The following ARHGEF18 variants were observed in gnomAD, a reference collection of about 807,000 sequenced individuals.
ARHGEF18 encodes the protein Rho/Rac guanine nucleotide exchange factor 18.
A neutral mutation model predicts 155.7 loss-of-function variants in ARHGEF18; 93 were observed. That is an observed-to-expected ratio of 0.60 (90% confidence interval 0.50 to 0.71). The LOEUF (loss-of-function observed/expected upper bound fraction) is 0.71, where lower values mean the gene tolerates loss of function less well. ARHGEF18 is among the 30% of genes least tolerant of loss of function. ARHGEF18 has a pLI of 0.00. For synonymous variants in ARHGEF18, 742 were observed against 753.1 expected (o/e 0.99, Z 0.24); for missense variants, 1,593 against 1,816.1 (o/e 0.88, Z 2.23).
chr19:7,362,058 GGAGA>G (rs1969603649), intron 1 of ARHGEF18, among the ~76,000 whole-genome samples: 2 of 35,458 alleles, frequency 5.6e-5, no homozygotes, highest in African/African-American at 4.4e-4. Flanking sequence ...AGAAGGAGAA[GGAGA>G]AGGAGAAGGA....
intron 10 of ARHGEF18, among the ~76,000 whole-genome samples, chr19:7,391,375 T>C (rs1438600260): frequency 6.6e-6 from 1 of 152,138 alleles, no homozygotes; most frequent in Non-Finnish European, 1.5e-5. Flanking sequence ...ACGATAAAGT[T>C]GGGATGCTTT....
chr19:7,446,953 A>AT, intron 14 of ARHGEF18, 90 bp from the exon 15 acceptor site: 1 of 1,447,634 alleles, frequency 6.9e-7, no homozygotes, highest in East Asian at 2.5e-5. Flanking sequence ...TAAATCTAAT[A>AT]TTTATTTTAG....
intron 23 of ARHGEF18, among the ~76,000 whole-genome samples, chr19:7,466,578 G>A (rs760041936): frequency 4.7e-5 from 7 of 150,516 alleles, no homozygotes; most frequent in Admixed American, 6.6e-5. Flanking sequence ...CGAGGCGGGC[G>A]GATCACCTGA....
intron 10 of ARHGEF18, among the ~76,000 whole-genome samples, chr19:7,407,432 A>G (rs577090271): frequency 6.6e-6 from 1 of 151,936 alleles, no homozygotes; most frequent in East Asian, 1.9e-4. Flanking sequence ...TCTCAAAAAA[A>G]AAAAAAAAGA....
intron 3 of ARHGEF18, among the ~76,000 whole-genome samples, chr19:7,374,657 G>A (rs984609389): frequency 2.0e-5 from 3 of 149,670 alleles, no homozygotes; most frequent in Middle Eastern, 3.4e-3. Flanking sequence ...CAGCCTGGGC[G>A]ACAGAGCGAG....
intron 10 of ARHGEF18, among the ~76,000 whole-genome samples, chr19:7,383,972 T>C (rs1328984507): frequency 6.6e-6 from 1 of 152,138 alleles, no homozygotes; most frequent in African/African-American, 2.4e-5. Context: ...CAGAAAGAGA[T>C]GGCTCTGGTC....
intron 10 of ARHGEF18, among the ~76,000 whole-genome samples, chr19:7,436,460 T>C (rs1974259684): frequency 6.6e-6 from 1 of 152,100 alleles, no homozygotes; most frequent in African/African-American, 2.4e-5. Context: ...GTATTTTTAG[T>C]AGAGACAGGT....
At position 7,448,671 on chromosome 19, in the gene ARHGEF18, CA is replaced by C. The variant is rs1007436386; in HGVS notation, c.1737+1515del. Among the ~76,000 whole-genome samples the C allele has an allele frequency of 2.4e-3, 325 of 136,444 alleles. 1 individual carries two copies. The highest frequency in any genetic ancestry group is 5.0e-3 in the African/African-American group (189 of 37,520). 89.5% of individuals were successfully genotyped at this position (136,444 alleles called of 152,430 possible). A position where few individuals can be genotyped will look rare whatever the true frequency, so the allele number is the denominator to read the frequency against. On this transcript the variant is annotated intron_variant, in intron 15 of 28. Coordinates refer to ENST00000668164, the MANE Select transcript of ARHGEF18 (RefSeq NM_001367823.1). ...AGCGAAACTCCGTCTCAAAAAAATA[CA>C]AAAAAAAAAAAGGAGGGTTACTCCA...
downstream of ARHGEF18, among the ~76,000 whole-genome samples, chr19:7,475,530 A>ACACACACACACACAAC (rs939831366): frequency 8.8e-4 from 132 of 150,856 alleles, 2 homozygotes; most frequent in South Asian, 0.026. Flanking sequence ...GTTTAAACAC[A>ACACACACACACACAAC]CACACACACA....
intron 10 of ARHGEF18, among the ~76,000 whole-genome samples, chr19:7,413,428 A>C (rs375246700): frequency 1.3e-5 from 2 of 151,982 alleles, no homozygotes; most frequent in East Asian, 3.9e-4. Context: ...CAGCCTCCCA[A>C]GTAGCTGGGA....
At chr19:7,456,286 ATGGGAC>A in intron 17 of ARHGEF18, 35 bp from the exon 18 acceptor site, 1 of 1,597,196 alleles carries the variant, frequency 6.3e-7, no homozygotes, top group South Asian at 1.1e-5. Context: ...CCTCCTGGCT[ATGGGAC>A]TTTTAAGATG....
chr19:7,458,710 C>G lies in ARHGEF18; in HGVS notation c.2360+20C>G. ...GGAGAGGTGAGGAGGGCCTGGGGGT[C>G]TCCCCACCCACTGTGTTCCTTCCGC... On this transcript the variant is annotated intron_variant, in intron 19 of 28. Coordinates refer to ENST00000668164, the MANE Select transcript of ARHGEF18 (RefSeq NM_001367823.1). The G allele has an allele frequency of 6.3e-7, 1 of 1,597,864 alleles. No individual in the cohort carries two copies. Among genetic ancestry groups the G allele is most frequent in the Non-Finnish European group, 8.6e-7 (1 of 1,169,466 alleles).
Position 7,444,528 on chromosome 19 carries a change from T to C in ARHGEF18, c.1611+74T>C. On this transcript the variant is annotated intron_variant, in intron 14 of 28. Transcript: ENST00000668164. This position sits in a 1 kb window ranked among gnomAD's most constrained non-coding sequence, Gnocchi z 4.7. ...TCTCTGTTCCTTTCTTCTTTTTTTC[T>C]GAGATAGGGTCTTGCCGTGTCGCCC... is the stretch of plus-strand genomic sequence containing the variant. The C allele has an allele frequency of 6.4e-7, 1 of 1,561,392 alleles. No homozygotes were observed. Among genetic ancestry groups the C allele is most frequent in the Non-Finnish European group, 8.7e-7 (1 of 1,155,768 alleles).
rs201797784 is a variant in ARHGEF18, at chr19:7,466,917, G to T, written c.2905-1G>T. 14 of 1,613,472 alleles carry T rather than the reference G, an allele frequency of 8.7e-6. No individual in the cohort carries two copies. Among genetic ancestry groups the T allele is most frequent in the Non-Finnish European group, 1.0e-5 (12 of 1,179,990 alleles). On this transcript the variant is annotated splice_acceptor_variant, in intron 23 of 28. Coordinates refer to ENST00000668164, the MANE Select transcript of ARHGEF18 (RefSeq NM_001367823.1). LOFTEE classifies it high-confidence loss of function. Reference sequence around the variant, plus strand: ...CTGGTTTGACGGTGTCCTCTTCCCAGGTGGAGGCGCCAGGCACGGAATCCG... The same window carrying T: ...CTGGTTTGACGGTGTCCTCTTCCCATGTGGAGGCGCCAGGCACGGAATCCG...
intron 2 of ARHGEF18, among the ~76,000 whole-genome samples, chr19:7,371,894 A>C (rs117283122): frequency 3.3e-5 from 5 of 152,162 alleles, no homozygotes; most frequent in African/African-American, 9.6e-5. Flanking sequence ...GGGAGGGGCC[A>C]AATCTATAAA....
intron 7 of ARHGEF18, among the ~76,000 whole-genome samples, chr19:7,380,189 A>T (rs1247776338): frequency 6.6e-6 from 1 of 151,586 alleles, no homozygotes; most frequent in Non-Finnish European, 1.5e-5. Flanking sequence ...AAAAAAAAAA[A>T]AATTGTGGGC....
In ARHGEF18 at chr19:7,367,805, T is replaced by TATATATATTTTATATATATATACACAC. The variant is rs1969969963; in HGVS notation, c.15+4926_15+4927insCATATATATTTTATATATATATACACA. Among the ~76,000 whole-genome samples the TATATATATTTTATATATATATACACAC allele has an allele frequency of 2.0e-5, 2 of 101,464 alleles. 1 individual carries two copies. Among genetic ancestry groups the TATATATATTTTATATATATATACACAC allele is most frequent in the African/African-American group, 8.5e-5 (2 of 23,530 alleles). 66.6% of individuals were successfully genotyped at this position (101,464 alleles called of 152,430 possible). A position where few individuals can be genotyped will look rare whatever the true frequency, so the allele number is the denominator to read the frequency against. On this transcript the variant is annotated intron_variant, in intron 2 of 28. Coordinates refer to ENST00000668164, the MANE Select transcript of ARHGEF18 (RefSeq NM_001367823.1). ...TATATATTTTATATATATATACACA[T>TATATATATTTTATATATATATACACAC]ATATATATTTTATATATATATACAC... is the stretch of plus-strand genomic sequence containing the variant.
intron 10 of ARHGEF18, among the ~76,000 whole-genome samples, chr19:7,435,249 C>G (rs1974192960): frequency 6.6e-6 from 1 of 151,822 alleles, no homozygotes; most frequent in Non-Finnish European, 1.5e-5. Flanking sequence ...CCCTGGCAAG[C>G]AGACTTCTGG....
chr19:7,371,990 C>T (rs771374318), intron 2 of ARHGEF18, among the ~76,000 whole-genome samples: 12 of 152,112 alleles, frequency 7.9e-5, no homozygotes, highest in Non-Finnish European at 8.8e-5. Context: ...GGACACTGGC[C>T]CCTTGCCTCC....
Sources: allele counts gnomAD v4.1 joint callset (sites outside exome capture counted in the v4.1 genomes callset), GRCh38; gene constraint gnomAD v4.1.1; non-coding constraint Gnocchi (gnomAD v3.1); transcripts MANE v1.5; gene names NCBI Gene and HGNC (gene_info 2026-07-23, HGNC 2026-07-21).